Variants in CCDC171 observed in about 807,000 individuals in gnomAD.
CCDC171 encodes the protein coiled-coil domain-containing protein 171.
In CCDC171, 177 loss-of-function variants were observed where a neutral mutation model predicts 168.2. The observed-to-expected ratio is 1.05, with a 90% CI of 0.93 to 1.19. The LOEUF (loss-of-function observed/expected upper bound fraction) is 1.19. Among genes scored for constraint, CCDC171 ranks in the 50% most tolerant of loss-of-function variants. CCDC171 has a pLI of 0.00. For missense variants in CCDC171, 1,991 were observed against 1,539.0 expected, an observed-to-expected ratio of 1.29 and a Z score of -4.91; for synonymous variants, 687 against 540.8, an observed-to-expected ratio of 1.27 and a Z score of -3.75.
At chr9:15,998,378 C>T (rs1378613643) in intron 3 of CCDC171, among the ~76,000 whole-genome samples, 1 of 152,144 alleles carries the variant, frequency 6.6e-6, no homozygotes, top group Non-Finnish European at 1.5e-5. Flanking sequence ...TGGATCCCAC[C>T]TCTCCTTCAC....
chr9:16,040,879 C>T (rs1564131805), upstream of CCDC171, among the ~76,000 whole-genome samples: 2 of 151,472 alleles, frequency 1.3e-5, no homozygotes, highest in African/African-American at 4.8e-5. Flanking sequence ...AAGATACTCT[C>T]TCTTTTTTTT....
intron 18 of CCDC171, among the ~76,000 whole-genome samples, chr9:15,759,092 A>G (rs1417992732): frequency 6.6e-6 from 1 of 151,992 alleles, no homozygotes; most frequent in African/African-American, 2.4e-5. Context: ...TGTTCTTCCA[A>G]TGTATTTCGT....
intron 8 of CCDC171, among the ~76,000 whole-genome samples, chr9:15,661,248 C>A (rs1358555327): frequency 6.7e-6 from 1 of 148,272 alleles, no homozygotes; most frequent in Non-Finnish European, 1.5e-5. Flanking sequence ...CCACTGAAAT[C>A]CAGCCTGGGC....
intron 20 of CCDC171, among the ~76,000 whole-genome samples, chr9:15,779,469 C>G (rs1461496807): frequency 6.6e-6 from 1 of 152,090 alleles, no homozygotes; most frequent in Non-Finnish European, 1.5e-5. Flanking sequence ...AAGTGATTCT[C>G]TTGCCTCAGC....
At chr9:16,081,539 G>A in the CCDC171 span, among the ~76,000 whole-genome samples, 2 of 152,150 alleles carry the variant, frequency 1.3e-5, no homozygotes, top group Admixed American at 6.5e-5. Flanking sequence ...ATTTGCAATC[G>A]TGAGGAAAGC....
At chr9:15,718,388 A>G (rs2053228752) in intron 11 of CCDC171, among the ~76,000 whole-genome samples, 1 of 152,194 alleles carries the variant, frequency 6.6e-6, no homozygotes, top group South Asian at 2.1e-4. Flanking sequence ...TCTTCCCAGG[A>G]CCTGGGGGAG....
At chr9:16,099,982 G>C in the CCDC171 span, among the ~76,000 whole-genome samples, 213 of 150,550 alleles carry the variant, frequency 1.4e-3, no homozygotes, top group Middle Eastern at 6.9e-3. Flanking sequence ...AACCAACGCT[G>C]TATGGAGATA....
At chr9:15,776,209 G>A (rs943130911) in intron 18 of CCDC171, 63 of 151,854 alleles carry the variant, frequency 4.1e-4, no homozygotes, top group African/African-American at 1.5e-3. Context: ...ACAAACTTGC[G>A]TGTCATCCTT....
At chr9:15,722,683 C>T (rs2053561385) in intron 12 of CCDC171, among the ~76,000 whole-genome samples, 1 of 152,056 alleles carries the variant, frequency 6.6e-6, no homozygotes, top group Non-Finnish European at 1.5e-5. Flanking sequence ...AATATAAATG[C>T]CATAAAACGG....
At chr9:15,894,935 A>C (rs868303177) in intron 24 of CCDC171, among the ~76,000 whole-genome samples, 2 of 152,144 alleles carry the variant, frequency 1.3e-5, no homozygotes, top group African/African-American at 4.8e-5. Flanking sequence ...TTCAGCACCT[A>C]GAACATAATG....
chr9:15,840,149 C>T (rs892728829), intron 21 of CCDC171, among the ~76,000 whole-genome samples: 1 of 152,018 alleles, frequency 6.6e-6, no homozygotes, highest in Non-Finnish European at 1.5e-5. Flanking sequence ...CTATTATTCA[C>T]TTCTATCACC....
intron 21 of CCDC171, among the ~76,000 whole-genome samples, chr9:15,839,177 G>T (rs2060572511): frequency 6.6e-6 from 1 of 152,102 alleles, no homozygotes; most frequent in Non-Finnish European, 1.5e-5. Flanking sequence ...ATCTTGAGTT[G>T]TACATTCTTC....
At chr9:15,666,883 G>T (rs998567356) in intron 9 of CCDC171, among the ~76,000 whole-genome samples, 7 of 152,090 alleles carry the variant, frequency 4.6e-5, no homozygotes, top group Non-Finnish European at 1.0e-4. Flanking sequence ...AATAATAATA[G>T]CAGTAACACT....
chr9:15,766,953 C>T (rs377253814), intron 18 of CCDC171, among the ~76,000 whole-genome samples: 2 of 152,158 alleles, frequency 1.3e-5, no homozygotes, highest in South Asian at 2.1e-4. Context: ...TGAGCCACTG[C>T]ACCTGGTTTC....
chr9:16,072,228 CT>C, the CCDC171 span, among the ~76,000 whole-genome samples: 6 of 152,166 alleles, frequency 3.9e-5, no homozygotes, highest in Admixed American at 3.3e-4. Context: ...CCTTCTTTTC[CT>C]CTGCTATTGG....
At chr9:15,784,400 A>G (rs2057828751) in intron 20 of CCDC171, 109 bp from the exon 21 acceptor site, 3 of 571,128 alleles carry the variant, frequency 5.3e-6, no homozygotes, top group Non-Finnish European at 8.5e-6. Context: ...TTTTTAATGT[A>G]TCAAGTGCCT....
At chr9:15,862,456 C>G (rs962091673) in intron 23 of CCDC171, among the ~76,000 whole-genome samples, 1 of 151,672 alleles carries the variant, frequency 6.6e-6, no homozygotes, top group South Asian at 2.1e-4. Context: ...TATTATTTTT[C>G]TGAGCTTATC....
chr9:16,032,226 A>G (rs778575771), intron 6 of CCDC171, among the ~76,000 whole-genome samples: 12 of 152,222 alleles, frequency 7.9e-5, no homozygotes, highest in Admixed American at 2.0e-4. Context: ...TGGAATGAGC[A>G]TGCTGGCAGA....
chr9:15,747,167 C>G (rs919582538), intron 18 of CCDC171, among the ~76,000 whole-genome samples: 2 of 152,150 alleles, frequency 1.3e-5, no homozygotes, highest in African/African-American at 2.4e-5. Flanking sequence ...CGGAGCCTAC[C>G]GCAGCTCAGC....
Sources: allele counts gnomAD v4.1 joint callset (sites outside exome capture counted in the v4.1 genomes callset), GRCh38; gene constraint gnomAD v4.1.1; transcripts MANE v1.5; gene names NCBI Gene and HGNC (gene_info 2026-07-23, HGNC 2026-07-21).